The following NGFR variants were observed in gnomAD, a reference collection of about 807,000 sequenced individuals.
NGFR encodes the protein tumor necrosis factor receptor superfamily member 16.
A neutral mutation model predicts 43.2 loss-of-function variants in NGFR; 30 were observed. The observed-to-expected ratio is 0.69, with a 90% CI of 0.52 to 0.94. The LOEUF is 0.94. Ranked by LOEUF, NGFR falls within the 40% of genes least tolerant of loss-of-function variation. NGFR has a pLI of 0.00. For missense variants in NGFR, 529 were observed against 602.5 expected (o/e 0.88, Z 1.28); for synonymous variants, 246 against 259.6 (o/e 0.95, Z 0.50).
rs756226353 is a variant in NGFR at position 49,506,381 on chromosome 17, G to A, written c.291G>A (p.Ala97=). 1.9e-5 allele frequency: 31 copies of A among 1,601,046 alleles called. No individual in the cohort carries two copies. In the Middle Eastern group the frequency reaches 6.6e-4, roughly 34 times the overall value. ...GCGTGGGGCTCCAGAGCATGTCGGC[G>A]CCGTGCGTGGAGGCCGACGACGCCG... ...TECVGLQSMS[A]PCVEADDAVC... is the part of the protein sequence containing the mutation. Residue 97 remains alanine (A), a synonymous_variant, in exon 3 of 6, where the codon GCG becomes GCA. Transcript: ENST00000172229.
Position 49,506,532 on chromosome 17 carries a change from G to C in NGFR, c.442G>C (p.Glu148Gln), listed in dbSNP as rs771889694. The change falls in exon 3 of 6, where the codon GAG (glutamate) becomes CAG (glutamine). Residue 148 changes from glutamate (E) to glutamine (Q), a missense_variant. Transcript: ENST00000172229. ...CQDKQNTVCE[E>Q]CPDGTYSDEA... ...GGACAAGCAGAACACCGTGTGCGAG[G>C]AGTGCCCCGACGGCACGTATTCCGA... The C allele has an allele frequency of 7.4e-6, 12 of 1,611,786 alleles. No individual in the cohort carries two copies. The highest frequency in any genetic ancestry group is 1.0e-5 in the Non-Finnish European group (12 of 1,179,634).
In NGFR at chr17:49,506,492, C is replaced by A; in HGVS notation, c.402C>A (p.Leu134=). 3 of 1,610,898 alleles carry A rather than the reference C, an allele frequency of 1.9e-6. No individual in the cohort carries two copies. The highest frequency in any genetic ancestry group is 2.5e-6 in the Non-Finnish European group (3 of 1,179,386). ...GCGTGTGCGAGGCGGGCTCGGGCCT[C>A]GTGTTCTCCTGCCAGGACAAGCAGA... ...ACRVCEAGSG[L]VFSCQDKQNT... The change falls in exon 3 of 6, where the codon CTC becomes CTA. Residue 134 remains leucine, a synonymous_variant. Transcript: ENST00000172229.
At position 49,502,069 on chromosome 17, in the gene NGFR, C is replaced by T. The variant is rs114337127; in HGVS notation, c.73C>T (p.Leu25Phe). 2.0e-4 allele frequency: 306 copies of T among 1,557,374 alleles called. 5 individuals carry two copies. In the East Asian group the frequency reaches 7.1e-3, roughly 36 times the overall value. Residue 25 changes from leucine to phenylalanine, a missense_variant, in exon 2 of 6, where the codon CTT becomes TTT. Physicochemically the swap from Leu to Phe is conservative, Grantham distance 22. Transcript: ENST00000172229. ...LLLLLLLGVS[L>F]GGAKEACPTG... ...CCGATCTCCCTCCATCCAGGTGTCC[C>T]TTGGAGGTGCCAAGGAGGCATGCCC...
In NGFR at chr17:49,502,185, G is replaced by T. The variant is rs781304358; in HGVS notation, c.189G>T (p.Val63=). 1.9e-6 allele frequency: 3 copies of T among 1,608,812 alleles called. No individual in the cohort carries two copies. Among genetic ancestry groups the T allele is most frequent in the African/African-American group, 2.7e-5 (2 of 74,870 alleles). Residue 63 remains valine (V), a synonymous_variant, in exon 2 of 6, where the codon GTG becomes GTT. Coordinates refer to ENST00000172229, the MANE Select transcript of NGFR (RefSeq NM_002507.4). ...VAQPCGANQT[V]CEPCLDSVTF... is the part of the protein sequence containing the mutation. ...AGCCTTGTGGAGCCAACCAGACCGTGTGTGAGCCCTGCCTGGACAGTGAGT... is the reference window on the plus strand; with the variant it reads ...AGCCTTGTGGAGCCAACCAGACCGTTTGTGAGCCCTGCCTGGACAGTGAGT...
intron 4 of NGFR, chr17:49,511,175 GA>G (rs1161554394): frequency 6.7e-6 from 1 of 149,080 alleles, no homozygotes; most frequent in African/African-American, 2.5e-5. Flanking sequence ...ATGCAAACAA[GA>G]CCAATATCTT....
In NGFR at chr17:49,513,022, A is replaced by ATGTGGCAGTGGACTCACT; in HGVS notation, c.*13_*14insTGTGGCAGTGGACTCACT. ...ATCCCCGGTGTGAGCCCAACCGGGG[A>ATGTGGCAGTGGACTCACT]GCCCCCGCCCCGCCCCACATTCCGA... is the stretch of plus-strand genomic sequence containing the variant. On this transcript the variant is annotated 3_prime_UTR_variant, in exon 6 of 6. Transcript: ENST00000172229. 1 of 1,512,292 alleles carries ATGTGGCAGTGGACTCACT rather than the reference A, an allele frequency of 6.6e-7. No homozygotes were observed. The highest frequency in any genetic ancestry group is 8.9e-7 in the Non-Finnish European group (1 of 1,128,154). 93.7% of individuals were successfully genotyped at this position (1,512,292 alleles called of 1,614,324 possible).
intron 2 of NGFR, among the ~76,000 whole-genome samples, chr17:49,505,390 G>A (rs1419487457): frequency 6.6e-6 from 1 of 152,154 alleles, no homozygotes; most frequent in African/African-American, 2.4e-5. Flanking sequence ...AGCTGGAAGG[G>A]GTGAAGAAGA....
Position 49,502,312 on chromosome 17 carries a change from C to G in NGFR, c.208+108C>G, listed in dbSNP as rs182309980. The G allele has an allele frequency of 1.5e-5, 19 of 1,248,220 alleles. No individual in the cohort carries two copies. In the Admixed American group the frequency reaches 2.4e-4, roughly 16 times the overall value. The allele number at this position is 1,248,220 out of a possible 1,614,324, so 77.3% of individuals were successfully genotyped here. A position where few individuals can be genotyped will look rare whatever the true frequency, so the allele number is the denominator to read the frequency against. On this transcript the variant is annotated intron_variant, in intron 2 of 5. Coordinates refer to ENST00000172229, the MANE Select transcript of NGFR (RefSeq NM_002507.4). ...CATGCCCAGTAGAGGCCTTATAAGA[C>G]CACCACTGTAAGGTCATCAGAAGTG...
chr17:49,511,775 G>A lies in NGFR; in HGVS notation c.822-117G>A, dbSNP rs922297039. 8.8e-6 allele frequency: 11 copies of A among 1,256,876 alleles called. No homozygotes were observed. In the South Asian group the frequency reaches 1.0e-4, roughly 12 times the overall value. The allele number at this position is 1,256,876 out of a possible 1,614,324, so 77.9% of individuals were successfully genotyped here. On this transcript the variant is annotated intron_variant, in intron 4 of 5. Coordinates refer to ENST00000172229, the MANE Select transcript of NGFR (RefSeq NM_002507.4). The stretch of plus-strand genomic sequence containing the variant: ...AGGAGCCTTAGATGGTGGGGTGGCG[G>A]TTATAATTGGGCACCCGCCATGCCC...
Position 49,512,934 on chromosome 17 carries a change from C to T in NGFR, c.1209C>T (p.Ala403=), listed in dbSNP as rs779974233. 9.3e-6 allele frequency: 15 copies of T among 1,611,066 alleles called. No individual in the cohort carries two copies. The highest frequency in any genetic ancestry group is 5.0e-5 in the Admixed American group (3 of 59,846). Residue 403 remains alanine (A), a synonymous_variant, in exon 6 of 6, where the codon GCC becomes GCT. Transcript: ENST00000172229. The surrounding 1 kb of genome is among the most constrained non-coding windows in gnomAD (Gnocchi z 5.2). ...QDSATLDALL[A]ALRRIQRADL... is the part of the protein sequence containing the mutation. Reference sequence around the variant, plus strand: ...GCGCCACACTGGACGCCCTCCTGGCCGCCCTGCGCCGCATCCAGCGAGCCG... The same window carrying T: ...GCGCCACACTGGACGCCCTCCTGGCTGCCCTGCGCCGCATCCAGCGAGCCG...
chr17:49,500,035 G>A (rs1199729419), intron 1 of NGFR, among the ~76,000 whole-genome samples: 1 of 148,734 alleles, frequency 6.7e-6, no homozygotes. Context: ...AGGAAGGGAG[G>A]AAACAGAAAA....
chr17:49,508,881 A>C (rs552625119), intron 3 of NGFR, among the ~76,000 whole-genome samples: 1 of 152,180 alleles, frequency 6.6e-6, no homozygotes. Flanking sequence ...TGATGGTCTC[A>C]TTCATTGGGC....
intron 3 of NGFR, 37 bp from the exon 4 acceptor site, chr17:49,510,375 G>A (rs2071223346): frequency 1.9e-6 from 3 of 1,605,586 alleles, no homozygotes; most frequent in East Asian, 4.5e-5. Flanking sequence ...GAGGAGTGGG[G>A]GAAGTGGGTC....
intron 4 of NGFR, 35 bp from the exon 5 acceptor site, chr17:49,511,857 C>A: frequency 6.5e-7 from 1 of 1,543,216 alleles, no homozygotes. Flanking sequence ...TACAGCCCCT[C>A]GCCCCCTGAA....
At position 49,502,006 on chromosome 17, in the gene NGFR, C is replaced by T. The variant is rs895669793; in HGVS notation, c.67-57C>T. On this transcript the variant is annotated intron_variant, in intron 1 of 5. Coordinates refer to ENST00000172229, the MANE Select transcript of NGFR (RefSeq NM_002507.4). The stretch of plus-strand genomic sequence containing the variant: ...TGTTTGATTCCCCGGAAGAACCCCC[C>T]CCAACCCACCCCAGCTTTCTCTTGC... The T allele has an allele frequency of 4.3e-5, 25 of 581,088 alleles. 6 individuals carry two copies. The highest frequency in any genetic ancestry group is 6.6e-5 in the Non-Finnish European group (25 of 376,748). The allele number at this position is 581,088 out of a possible 1,614,324, so 36.0% of individuals were successfully genotyped here.
At chr17:49,506,048 G>C (rs2071194357) in intron 2 of NGFR, 1 of 604,114 alleles carries the variant, frequency 1.7e-6, no homozygotes, top group Non-Finnish European at 2.6e-6. Context: ...ATGCCGGAAA[G>C]CCTCCCGGCC....
At chr17:49,500,166 T>C (rs189352125) in intron 1 of NGFR, among the ~76,000 whole-genome samples, 1 of 151,516 alleles carries the variant, frequency 6.6e-6, no homozygotes. Flanking sequence ...CTGGTGTAAA[T>C]ACAGAGTCCC....
At chr17:49,499,503 T>G (rs946573489) in intron 1 of NGFR, among the ~76,000 whole-genome samples, 1 of 152,230 alleles carries the variant, frequency 6.6e-6, no homozygotes, top group Admixed American at 6.5e-5. Flanking sequence ...GCGTGAGAGC[T>G]CACAGATTGT....
intron 1 of NGFR, among the ~76,000 whole-genome samples, chr17:49,498,861 T>C (rs931286141): frequency 6.6e-6 from 1 of 152,172 alleles, no homozygotes; most frequent in African/African-American, 2.4e-5. Context: ...TAGTCACCCC[T>C]CCCTACTTGG....
Sources: allele counts gnomAD v4.1 joint callset (sites outside exome capture counted in the v4.1 genomes callset), GRCh38; gene constraint gnomAD v4.1.1; non-coding constraint Gnocchi (gnomAD v3.1); transcripts MANE v1.5; gene names NCBI Gene and HGNC (gene_info 2026-07-23, HGNC 2026-07-21).